Variants in MAML3 observed in about 807,000 individuals in gnomAD.
MAML3 encodes mastermind like transcriptional coactivator 3, also known as mastermind-like protein 3.
Under a neutral mutation model 101.9 loss-of-function variants are expected in MAML3, and 27 were observed. The observed-to-expected ratio is 0.27, with a 90% CI of 0.20 to 0.37. The LOEUF is 0.37. Among genes scored for constraint, MAML3 ranks in the 10% least tolerant of loss-of-function variants. MAML3 has a pLI of 1.00. For missense variants in MAML3, 1,316 were observed against 1,444.9 expected (o/e 0.91, Z 1.45); for synonymous variants, 501 against 555.9 (o/e 0.90, Z 1.39).
intron 2 of MAML3, among the ~76,000 whole-genome samples, chr4:139,853,396 G>C (rs548845418): frequency 1.3e-5 from 2 of 152,188 alleles, no homozygotes; most frequent in Non-Finnish European, 2.9e-5. Context: ...CAAAGAGACA[G>C]TAGGGCAGGT....
chr4:139,963,623 A>G (rs1026557444), intron 1 of MAML3, among the ~76,000 whole-genome samples: 2 of 152,242 alleles, frequency 1.3e-5, no homozygotes, highest in Non-Finnish European at 2.9e-5. Flanking sequence ...ACCTTGGGTC[A>G]GACTATTAGC....
intron 2 of MAML3, among the ~76,000 whole-genome samples, chr4:139,815,826 A>G (rs10015851): frequency 0.086 from 13,146 of 152,214 alleles, 702 homozygotes; most frequent in African/African-American, 0.11. Context: ...TGCCTTGCCT[A>G]CAATTCATCT....
chr4:140,095,669 T>C (rs1333586251), intron 1 of MAML3, among the ~76,000 whole-genome samples: 3 of 152,030 alleles, frequency 2.0e-5, no homozygotes, highest in Non-Finnish European at 4.4e-5. Context: ...TGTGTCCCTC[T>C]GCCCTACCCT....
chr4:139,865,732 C>T (rs551041413), intron 2 of MAML3, among the ~76,000 whole-genome samples: 4 of 152,348 alleles, frequency 2.6e-5, no homozygotes, highest in Middle Eastern at 6.8e-3. Flanking sequence ...CTTAGACATG[C>T]GCACTGAGGG....
intron 2 of MAML3, among the ~76,000 whole-genome samples, chr4:139,733,976 G>A (rs1728826676): frequency 6.6e-6 from 1 of 152,216 alleles, no homozygotes; most frequent in African/African-American, 2.4e-5. Context: ...ACAAGCATGA[G>A]CCACTGCTCC....
chr4:139,986,690 G>T (rs1459830295), intron 1 of MAML3, among the ~76,000 whole-genome samples: 7 of 151,936 alleles, frequency 4.6e-5, no homozygotes, highest in Non-Finnish European at 1.0e-4. Flanking sequence ...GGCCAAAGAG[G>T]TGAACCGGAG....
chr4:140,020,677 T>C lies in MAML3; in HGVS notation c.469-129710A>G, dbSNP rs1578645967. Among the ~76,000 whole-genome samples the C allele has an allele frequency of 5.3e-5, 8 of 152,268 alleles. 1 individual carries two copies. In the South Asian group the frequency reaches 1.7e-3, roughly 32 times the overall value. ...TGTTTCTGAGGGAATGGAAGAGTGCTGACAATATTTTCTTGAGCACAAAGA... is the reference window on the plus strand; with the variant it reads ...TGTTTCTGAGGGAATGGAAGAGTGCCGACAATATTTTCTTGAGCACAAAGA... On this transcript the variant is annotated intron_variant, in intron 1 of 4. Coordinates refer to ENST00000509479, the MANE Select transcript of MAML3 (RefSeq NM_018717.5).
intron 2 of MAML3, among the ~76,000 whole-genome samples, chr4:139,799,571 A>G (rs78512969): frequency 0.023 from 3,508 of 152,346 alleles, 78 homozygotes; most frequent in Non-Finnish European, 0.029. Flanking sequence ...TTCTGTCCTC[A>G]TAAGACAGTA....
chr4:139,913,669 G>A (rs544378613), intron 1 of MAML3, among the ~76,000 whole-genome samples: 3 of 152,256 alleles, frequency 2.0e-5, no homozygotes, highest in South Asian at 2.1e-4. Flanking sequence ...GGGTGTCAGC[G>A]CTGCACTGAT....
In MAML3 at chr4:140,144,384, C is replaced by CA. The variant is rs368896127; in HGVS notation, c.468+8475dup. Among the ~76,000 whole-genome samples, 548 of 151,556 alleles carry CA rather than the reference C, an allele frequency of 3.6e-3. 2 individuals carry two copies. The highest frequency in any genetic ancestry group is 0.014 in the Middle Eastern group (4 of 294). On this transcript the variant is annotated intron_variant, in intron 1 of 4. Coordinates refer to ENST00000509479, the MANE Select transcript of MAML3 (RefSeq NM_018717.5). ...AAACACAGCAAAAACCCACCTCTAC[C>CA]AAAAAAACAAAAAATTAACTGGGAG...
chr4:139,931,784 C>CG (rs1733400255), intron 1 of MAML3, among the ~76,000 whole-genome samples: 1 of 151,756 alleles, frequency 6.6e-6, no homozygotes, highest in Non-Finnish European at 1.5e-5. Flanking sequence ...CCCAGACGGG[C>CG]GGGTCACCTG....
At chr4:140,031,565 A>G (rs1027818413) in intron 1 of MAML3, among the ~76,000 whole-genome samples, 5 of 152,210 alleles carry the variant, frequency 3.3e-5, no homozygotes, top group African/African-American at 1.2e-4. Flanking sequence ...TTTGATTCAA[A>G]TAAGTAATCC....
intron 1 of MAML3, among the ~76,000 whole-genome samples, chr4:139,928,917 T>C (rs140221199): frequency 5.6e-4 from 86 of 152,270 alleles, no homozygotes; most frequent in African/African-American, 2.0e-3. Flanking sequence ...TGAAATAGTT[T>C]AGAATATCAG....
chr4:139,890,374 A>G lies in MAML3; in HGVS notation c.1062T>C (p.Ser354=), dbSNP rs183067553. ...PATETPLSQE[S]ASVKSDPSHS... Reference sequence around the variant, plus strand: ...GAGAGGGGTCGCTCTTCACGCTCGCACTCTCCTGGGAGAGAGGGGTCTCAG... The same window carrying G: ...GAGAGGGGTCGCTCTTCACGCTCGCGCTCTCCTGGGAGAGAGGGGTCTCAG... The change falls in exon 2 of 5, where the codon AGT becomes AGC. Residue 354 remains serine, a synonymous_variant. Coordinates refer to ENST00000509479, the MANE Select transcript of MAML3 (RefSeq NM_018717.5). The surrounding 1 kb of genome is among the most constrained non-coding windows in gnomAD (Gnocchi z 4.1). 209 of 1,602,588 alleles carry G rather than the reference A, an allele frequency of 1.3e-4. No homozygotes were observed. Among genetic ancestry groups the G allele is most frequent in the Admixed American group, 4.9e-4 (29 of 59,386 alleles).
intron 2 of MAML3, among the ~76,000 whole-genome samples, chr4:139,875,101 C>T (rs1456092758): frequency 1.3e-5 from 2 of 152,184 alleles, no homozygotes; most frequent in Non-Finnish European, 2.9e-5. Context: ...TCATGCCCAG[C>T]TGATCATCCC....
chr4:140,063,719 C>T (rs1727486809), intron 1 of MAML3, among the ~76,000 whole-genome samples: 1 of 152,014 alleles, frequency 6.6e-6, no homozygotes, highest in African/African-American at 2.4e-5. Context: ...CTGTAACTGA[C>T]AGTAACTGAC....
intron 1 of MAML3, among the ~76,000 whole-genome samples, chr4:140,084,935 G>T (rs892546875): frequency 6.6e-6 from 1 of 151,900 alleles, no homozygotes; most frequent in East Asian, 1.9e-4. Context: ...TAAAAACATC[G>T]GGGGGCGGCA....
chr4:139,743,263 G>C (rs1729220381), intron 2 of MAML3, among the ~76,000 whole-genome samples: 2 of 152,344 alleles, frequency 1.3e-5, no homozygotes, highest in South Asian at 4.1e-4. Context: ...GAACAGGAGG[G>C]GCAGGGTGAT....
intron 2 of MAML3, among the ~76,000 whole-genome samples, chr4:139,779,296 C>G (rs1007214412): frequency 6.6e-6 from 1 of 152,190 alleles, no homozygotes; most frequent in African/African-American, 2.4e-5. Context: ...GAAGGCATAA[C>G]TCTGGTAGGT....
Sources: gnomAD v4.1 joint callset for allele counts (sites outside exome capture counted in the v4.1 genomes callset) on GRCh38, gnomAD v4.1.1 for gene constraint, Gnocchi (gnomAD v3.1) non-coding constraint, MANE v1.5 for transcripts, NCBI Gene and HGNC (gene_info 2026-07-23, HGNC 2026-07-21) for gene names.